SLC25A13: variants seen among roughly 807,000 people sequenced by gnomAD.
SLC25A13 encodes the protein solute carrier family 25 member 13.
In SLC25A13, 70 loss-of-function variants were observed where a neutral mutation model predicts 85.5. The observed-to-expected ratio is 0.82, with a 90% CI of 0.68 to 1.00. The LOEUF (loss-of-function observed/expected upper bound fraction) is 1.00, where lower values mean the gene tolerates loss of function less well. SLC25A13 is among the 50% of genes least tolerant of loss of function. SLC25A13 has a pLI of 0.00. For synonymous variants in SLC25A13, 259 were observed against 288.7 expected, an observed-to-expected ratio of 0.90 and a Z score of 1.04; for missense variants, 765 against 819.8, an observed-to-expected ratio of 0.93 and a Z score of 0.82.
chr7:96,131,726 C>A lies in SLC25A13; in HGVS notation c.1591+17G>T. On this transcript the variant is annotated intron_variant, in intron 15 of 17. Coordinates refer to ENST00000265631, the MANE Select transcript of SLC25A13 (RefSeq NM_014251.3). ...CAAGGGTCAGGGAAGTAAGAGAACT[C>A]CATGGGGGACACTCACCAGCTATGG... 1 of 1,613,662 alleles carries A rather than the reference C, an allele frequency of 6.2e-7. No individual in the cohort carries two copies. The highest frequency in any genetic ancestry group is 1.1e-5 in the South Asian group (1 of 90,996).
intron 3 of SLC25A13, among the ~76,000 whole-genome samples, chr7:96,258,568 CACAA>C (rs1797727892): frequency 6.6e-6 from 1 of 152,216 alleles, no homozygotes; most frequent in African/African-American, 2.4e-5. Context: ...TAAGAGAGGA[CACAA>C]ACAAATGGAA....
At chr7:96,168,227 G>C (rs1469637449) in intron 13 of SLC25A13, among the ~76,000 whole-genome samples, 1 of 150,872 alleles carries the variant, frequency 6.6e-6, no homozygotes, top group Non-Finnish European at 1.5e-5. Context: ...CTACCTACAG[G>C]ATTGCTTAAC....
chr7:96,296,335 C>T (rs1475328137), intron 2 of SLC25A13, among the ~76,000 whole-genome samples: 2 of 152,028 alleles, frequency 1.3e-5, no homozygotes, highest in Non-Finnish European at 2.9e-5. Flanking sequence ...AAACTGAATA[C>T]TCCAGCAACC....
intron 3 of SLC25A13, among the ~76,000 whole-genome samples, chr7:96,246,660 CT>C (rs1275553838): frequency 6.6e-6 from 1 of 152,198 alleles, no homozygotes; most frequent in African/African-American, 2.4e-5. Context: ...TTGGCATTTT[CT>C]TTCATTCAAC....
chr7:96,226,646 T>TA (rs1796338373), intron 4 of SLC25A13, among the ~76,000 whole-genome samples: 1 of 151,648 alleles, frequency 6.6e-6, no homozygotes, highest in Non-Finnish European at 1.5e-5. Flanking sequence ...TGATCTAGTA[T>TA]AAAAAATAAC....
chr7:96,201,398 C>T (rs995505870), intron 5 of SLC25A13, among the ~76,000 whole-genome samples: 1 of 151,626 alleles, frequency 6.6e-6, no homozygotes, highest in Admixed American at 6.6e-5. Context: ...TGTAATCCCA[C>T]CTACTCCAGA....
intron 2 of SLC25A13, among the ~76,000 whole-genome samples, chr7:96,289,857 C>A (rs1032541614): frequency 1.3e-5 from 2 of 152,172 alleles, no homozygotes; most frequent in African/African-American, 4.8e-5. Flanking sequence ...TCCAGGAGAA[C>A]TTCCCCAACC....
intron 5 of SLC25A13, among the ~76,000 whole-genome samples, chr7:96,204,632 G>A (rs1158823455): frequency 1.1e-4 from 17 of 152,156 alleles, no homozygotes; most frequent in Admixed American, 1.1e-3. Flanking sequence ...AAACCTTTAA[G>A]GGTTTTTGCT....
chr7:96,220,336 C>T (rs573826113), intron 4 of SLC25A13, among the ~76,000 whole-genome samples: 58 of 152,310 alleles, frequency 3.8e-4, no homozygotes, highest in African/African-American at 1.4e-3. Context: ...AGATGTACTA[C>T]AAATGTACAC....
At chr7:96,300,658 C>T (rs991663749) in intron 1 of SLC25A13, among the ~76,000 whole-genome samples, 2 of 152,328 alleles carry the variant, frequency 1.3e-5, no homozygotes, top group Admixed American at 1.3e-4. Context: ...GCCATCCTAA[C>T]TGATAATTGT....
At chr7:96,258,387 C>A (rs900799765) in intron 3 of SLC25A13, among the ~76,000 whole-genome samples, 9 of 152,088 alleles carry the variant, frequency 5.9e-5, no homozygotes, top group Non-Finnish European at 1.0e-4. Flanking sequence ...ATACAAAATT[C>A]TTGTGCAAAA....
chr7:96,122,015 C>G lies in SLC25A13; in HGVS notation c.1592-18G>C. 6.2e-7 allele frequency: 1 copy of G among 1,614,110 alleles called. No homozygotes were observed. The highest frequency in any genetic ancestry group is 8.5e-7 in the Non-Finnish European group (1 of 1,179,954). ...AGGCATACCTGCAGGAGAGACACAA[C>G]ACCATCTCAGTCTGGTCACATTCTC... On this transcript the variant is annotated intron_variant, in intron 15 of 17. Transcript: ENST00000265631.
chr7:96,307,295 A>G (rs1200463664), intron 1 of SLC25A13, among the ~76,000 whole-genome samples: 2 of 152,238 alleles, frequency 1.3e-5, no homozygotes, highest in Non-Finnish European at 2.9e-5. Flanking sequence ...AAGAATTATT[A>G]TAATTTTTTA....
At chr7:96,254,232 T>C (rs1373927915) in intron 3 of SLC25A13, among the ~76,000 whole-genome samples, 1 of 152,204 alleles carries the variant, frequency 6.6e-6, no homozygotes, top group Admixed American at 6.5e-5. Flanking sequence ...CCCAATGTGG[T>C]AGGCAACATC....
At chr7:96,238,727 A>G (rs542504746) in intron 3 of SLC25A13, among the ~76,000 whole-genome samples, 1 of 152,154 alleles carries the variant, frequency 6.6e-6, no homozygotes, top group African/African-American at 2.4e-5. Context: ...AACCCTGCTG[A>G]GCAGGCACCC....
intron 13 of SLC25A13, among the ~76,000 whole-genome samples, chr7:96,168,215 T>C (rs1278322867): frequency 6.6e-6 from 1 of 151,034 alleles, no homozygotes; most frequent in Non-Finnish European, 1.5e-5. Flanking sequence ...CTGGGTTGTC[T>C]GCTACCTACA....
Position 96,277,218 on chromosome 7 carries a change from C to G in SLC25A13, c.190G>C (p.Val64Leu). 2 of 1,601,996 alleles carry G rather than the reference C, an allele frequency of 1.2e-6. No homozygotes were observed. Among genetic ancestry groups the G allele is most frequent in the Non-Finnish European group, 1.7e-6 (2 of 1,173,542 alleles). Residue 64 changes from valine to leucine, a missense_variant, in exon 3 of 18, where the codon GTG (valine) becomes CTG (leucine). Physicochemically the swap from Val to Leu is conservative, Grantham distance 32 (BLOSUM62 1). Coordinates refer to ENST00000265631, the MANE Select transcript of SLC25A13 (RefSeq NM_014251.3). Reference protein sequence around the residue: ...NPKTVELLSGVVDQTKDGLIS... With the variant: ...NPKTVELLSGLVDQTKDGLIS... ...TACCCATCTTTGGTCTGATCCACCA[C>G]TCCACTTAAAAGTTCCACAGTCTTT...
chr7:96,140,208 T>G (rs1792472765), intron 14 of SLC25A13, among the ~76,000 whole-genome samples: 1 of 151,550 alleles, frequency 6.6e-6, no homozygotes. Context: ...TCCGCCCGCC[T>G]CGGCCTCCCA....
intron 1 of SLC25A13, among the ~76,000 whole-genome samples, chr7:96,316,125 A>AAT (rs137922014): frequency 1.5e-3 from 225 of 149,676 alleles, no homozygotes; most frequent in Non-Finnish European, 1.7e-3. Flanking sequence ...CCCTGTCCCA[A>AAT]ATATATATAT....
Sources: allele counts gnomAD v4.1 joint callset (sites outside exome capture counted in the v4.1 genomes callset), GRCh38; gene constraint gnomAD v4.1.1; transcripts MANE v1.5; gene names NCBI Gene and HGNC (gene_info 2026-07-23, HGNC 2026-07-21).